SGSM1: variants seen among roughly 807,000 people sequenced by gnomAD.
The protein encoded by SGSM1 is small G protein signaling modulator 1, also known as RUN and TBC1 domain containing 2.
In SGSM1, 73 loss-of-function variants were observed where a neutral mutation model predicts 133.8. That is an observed-to-expected ratio of 0.55 (90% CI 0.45 to 0.66). The LOEUF is 0.66. Ranked by LOEUF, SGSM1 falls within the 30% of genes least tolerant of loss-of-function variation. SGSM1 has a pLI of 0.00. For synonymous variants in SGSM1, 563 were observed against 573.0 expected, an observed-to-expected ratio of 0.98 and a Z score of 0.25; for missense variants, 1,213 against 1,448.1, an observed-to-expected ratio of 0.84 and a Z score of 2.64.
chr22:24,819,155 A>AC (rs67775472), intron 2 of SGSM1, among the ~76,000 whole-genome samples: 11 of 110,920 alleles, frequency 9.9e-5, no homozygotes, highest in Admixed American at 3.7e-4. Flanking sequence ...AAAAAAAAAA[A>AC]AAACAATAAT....
At chr22:24,854,275 G>T (rs994935961) in intron 5 of SGSM1, among the ~76,000 whole-genome samples, 4 of 152,148 alleles carry the variant, frequency 2.6e-5, no homozygotes, top group Admixed American at 6.5e-5. Context: ...CTTTCAGTAC[G>T]CACTGCTGCT....
intron 19 of SGSM1, among the ~76,000 whole-genome samples, chr22:24,898,951 C>T (rs188060947): frequency 5.5e-4 from 81 of 147,496 alleles, no homozygotes; most frequent in African/African-American, 1.5e-3. Context: ...GGCGTGAACC[C>T]GGGAGGCGGA....
intron 2 of SGSM1, among the ~76,000 whole-genome samples, chr22:24,834,907 C>T (rs781224668): frequency 6.6e-5 from 10 of 152,042 alleles, no homozygotes; most frequent in Non-Finnish European, 1.3e-4. Flanking sequence ...CTCTGAGTCT[C>T]AATTGCCTCC....
intron 14 of SGSM1, among the ~76,000 whole-genome samples, chr22:24,882,233 G>A (rs9624637): frequency 0.026 from 3,968 of 152,036 alleles, 78 homozygotes; most frequent in East Asian, 0.092. Flanking sequence ...TGCCTGGCTA[G>A]TTTTTTGTAT....
Position 24,924,826 on chromosome 22 carries a change from G to A in SGSM1, c.*552G>A, listed in dbSNP as rs191978876. On this transcript the variant is annotated 3_prime_UTR_variant, in exon 25 of 25. Coordinates refer to ENST00000400358, the MANE Select transcript of SGSM1 (RefSeq NM_001098497.3). ...TTTTGAGGGGACTGTCCCCTGCATT[G>A]TAGGATGCTGAGCAGCATCCCGGGC... is the stretch of plus-strand genomic sequence containing the variant. 6.4e-6 allele frequency: 1 copy of A among 155,744 alleles called. No individual in the cohort carries two copies. The highest frequency in any genetic ancestry group is 1.9e-4 in the East Asian group (1 of 5,268). The allele number at this position is 155,744 out of a possible 1,614,324, so 9.6% of individuals were successfully genotyped here.
chr22:24,811,214 C>A (rs1258207516), intron 2 of SGSM1, among the ~76,000 whole-genome samples: 1 of 152,074 alleles, frequency 6.6e-6, no homozygotes, highest in Non-Finnish European at 1.5e-5. Context: ...ACACAAGACA[C>A]CCCCTCAGCC....
At chr22:24,855,239 A>T (rs1477542760) in intron 6 of SGSM1, 46 bp from the exon 7 acceptor site, 1 of 1,583,150 alleles carries the variant, frequency 6.3e-7, no homozygotes, top group African/African-American at 1.3e-5. Context: ...GACATGCGGG[A>T]GGACTTTCCG....
chr22:24,880,814 G>A (rs73879155), intron 14 of SGSM1, among the ~76,000 whole-genome samples: 5,087 of 152,276 alleles, frequency 0.033, 275 homozygotes, highest in African/African-American at 0.12. Context: ...GTTCTGGAGC[G>A]AGGTGACCTG....
chr22:24,854,216 C>G (rs1361035385), intron 5 of SGSM1, among the ~76,000 whole-genome samples: 2 of 152,128 alleles, frequency 1.3e-5, no homozygotes, highest in Admixed American at 6.5e-5. Context: ...ATATTTGAGG[C>G]CAGTGCTCTC....
Position 24,855,417 on chromosome 22 carries a change from G to T in SGSM1, c.656G>T (p.Arg219Leu). The change falls in exon 7 of 25, where the codon CGT becomes CTT. Residue 219 changes from arginine (R) to leucine (L), a missense_variant. Physicochemically the swap from Arg to Leu is moderately radical, Grantham distance 102 (BLOSUM62 -2). Coordinates refer to ENST00000400358, the MANE Select transcript of SGSM1 (RefSeq NM_001098497.3). ...SHVRQDSPTK[R>L]PALCIQKRHS... Reference sequence around the variant, plus strand: ...GTGCGGCAGGACTCGCCCACCAAGCGTCCTGCCCTCTGTGTGAGTGGGGTG... The same window carrying T: ...GTGCGGCAGGACTCGCCCACCAAGCTTCCTGCCCTCTGTGTGAGTGGGGTG... 1 of 1,613,500 alleles carries T rather than the reference G, an allele frequency of 6.2e-7. No individual in the cohort carries two copies. The highest frequency in any genetic ancestry group is 8.5e-7 in the Non-Finnish European group (1 of 1,179,812).
chr22:24,849,871 C>T (rs9620446), intron 4 of SGSM1, among the ~76,000 whole-genome samples: 25,161 of 152,082 alleles, frequency 0.17, 3,035 homozygotes, highest in African/African-American at 0.33. Flanking sequence ...GAGTCATAAG[C>T]GTTAGTGGTA....
At chr22:24,866,642 A>G (rs989107996) in intron 9 of SGSM1, among the ~76,000 whole-genome samples, 7 of 152,164 alleles carry the variant, frequency 4.6e-5, no homozygotes, top group African/African-American at 1.7e-4. Flanking sequence ...AGTCGCTTCC[A>G]TCTTCAGACT....
intron 14 of SGSM1, among the ~76,000 whole-genome samples, chr22:24,880,423 C>T (rs1174219159): frequency 1.3e-5 from 2 of 152,192 alleles, no homozygotes; most frequent in African/African-American, 4.8e-5. Context: ...CATGAGCCAC[C>T]ACATCTGTCT....
In SGSM1 at chr22:24,855,551, C is replaced by A; in HGVS notation, c.672C>A (p.Ile224=). Residue 224 remains isoleucine, a splice_region_variant and synonymous_variant, in exon 8 of 25, where the codon ATC becomes ATA. Transcript: ENST00000400358. ...DSPTKRPALC[I]QKRHSSGSMD... is the part of the protein sequence containing the mutation. Reference sequence around the variant, plus strand: ...TGTCTCCCGTCACTCTCTACCAGATCCAGAAGAGGCATTCCAGTGGCAGCA... The same window carrying A: ...TGTCTCCCGTCACTCTCTACCAGATACAGAAGAGGCATTCCAGTGGCAGCA... The A allele has an allele frequency of 6.2e-7, 1 of 1,613,876 alleles. No homozygotes were observed. Among genetic ancestry groups the A allele is most frequent in the Non-Finnish European group, 8.5e-7 (1 of 1,179,840 alleles).
In SGSM1 at chr22:24,821,716, A is replaced by G. The variant is rs575961046; in HGVS notation, c.63+15232A>G. On this transcript the variant is annotated intron_variant, in intron 2 of 24. Transcript: ENST00000400358. ...CCATGACTGACAGTGTGAGGAAAGG[A>G]CATTGCTTTCTTATTTTCCCCCCCA... Among the ~76,000 whole-genome samples the G allele has an allele frequency of 1.7e-3, 252 of 152,268 alleles. 1 individual carries two copies. The highest frequency in any genetic ancestry group is 5.7e-3 in the African/African-American group (237 of 41,556).
intron 2 of SGSM1, among the ~76,000 whole-genome samples, chr22:24,838,640 TTGAA>T (rs554118447): frequency 3.3e-5 from 5 of 152,326 alleles, no homozygotes; most frequent in Admixed American, 3.3e-4. Flanking sequence ...ACTTTCTTCT[TTGAA>T]TGGGCATGAC....
At chr22:24,848,235 G>GTCT (rs1174458203) in intron 4 of SGSM1, among the ~76,000 whole-genome samples, 1 of 151,718 alleles carries the variant, frequency 6.6e-6, no homozygotes, top group African/African-American at 2.4e-5. Context: ...CCGGGCCAGT[G>GTCT]TCTAGCACCT....
At chr22:24,836,583 C>A (rs1929442595) in intron 2 of SGSM1, among the ~76,000 whole-genome samples, 1 of 152,218 alleles carries the variant, frequency 6.6e-6, no homozygotes, top group Non-Finnish European at 1.5e-5. Flanking sequence ...CACAAGGGTT[C>A]CAGTTTCTCC....
In SGSM1 at chr22:24,847,765, G is replaced by T. The variant is rs1376360487; in HGVS notation, c.271G>T (p.Val91Leu). The change falls in exon 4 of 25, where the codon GTG (valine) becomes TTG (leucine). Residue 91 changes from valine (V) to leucine (L), a missense_variant. By Grantham distance (32) the Val-to-Leu change is conservative. Transcript: ENST00000400358. ...GCCGGCTGAGGATCTGAGCCGCAAG[G>T]TGCAAGACCTGGAGCAGCTGATCGA... The part of the protein sequence containing the change: ...FPPAEDLSRK[V>L]QDLEQLIESA... 1.2e-6 allele frequency: 2 copies of T among 1,613,942 alleles called. No homozygotes were observed. The highest frequency in any genetic ancestry group is 2.2e-5 in the East Asian group (1 of 44,878).
Sources: allele counts gnomAD v4.1 joint callset (sites outside exome capture counted in the v4.1 genomes callset), GRCh38; gene constraint gnomAD v4.1.1; transcripts MANE v1.5; gene names NCBI Gene and HGNC (gene_info 2026-07-23, HGNC 2026-07-21).